Variants in SKI observed in about 807,000 individuals in gnomAD.
SKI encodes ski oncogene.
SKI carries 23 observed loss-of-function variants against 59.3 expected under a neutral mutation model. The ratio of observed to expected loss-of-function variants is 0.39; its 90% CI spans 0.28 to 0.55. The LOEUF (loss-of-function observed/expected upper bound fraction) is 0.55. Ranked by LOEUF, SKI falls within the 20% of genes least tolerant of loss-of-function variation. The probability of loss-of-function intolerance (pLI) is 0.67; values close to 1 mark genes in which losing one functional copy is unlikely to be tolerated. For synonymous variants in SKI, 673 were observed against 488.6 expected, an observed-to-expected ratio of 1.38 and a Z score of -4.98; for missense variants, 1,017 against 1,038.9, an observed-to-expected ratio of 0.98 and a Z score of 0.29.
At chr1:2,230,558 G>A (rs1177145425) in intron 1 of SKI, among the ~76,000 whole-genome samples, 1 of 152,188 alleles carries the variant, frequency 6.6e-6, no homozygotes, top group Non-Finnish European at 1.5e-5. Flanking sequence ...AACGCAGAGG[G>A]GTGCGCCGGA....
At position 2,228,759 on chromosome 1, in the gene SKI, A is replaced by C; in HGVS notation, c.-8A>C. ...GAGCGGGAGCGGCCGGGGGAGCCGG[A>C]GCGCACCATGGAGGCGGCGGCAGGC... On this transcript the variant is annotated 5_prime_UTR_variant, in exon 1 of 7. Transcript: ENST00000378536. 8.2e-7 allele frequency: 1 copy of C among 1,214,278 alleles called. No individual in the cohort carries two copies. The highest frequency in any genetic ancestry group is 1.0e-6 in the Non-Finnish European group (1 of 962,724). The allele number at this position is 1,214,278 out of a possible 1,614,324, so 75.2% of individuals were successfully genotyped here. A position where few individuals can be genotyped will look rare whatever the true frequency, so the allele number is the denominator to read the frequency against.
At chr1:2,262,159 T>C (rs1302658885) in intron 1 of SKI, among the ~76,000 whole-genome samples, 1 of 126,334 alleles carries the variant, frequency 7.9e-6, no homozygotes, top group Non-Finnish European at 1.6e-5. Flanking sequence ...GTGGTGGGAG[T>C]GGACACCCTT....
At chr1:2,277,174 C>G (rs1639760616) in intron 1 of SKI, among the ~76,000 whole-genome samples, 2 of 152,104 alleles carry the variant, frequency 1.3e-5, no homozygotes, top group Admixed American at 1.3e-4. Flanking sequence ...GGAGTCTCAC[C>G]CTGTCTCCTC....
At chr1:2,299,308 C>T (rs777919945) in intron 1 of SKI, among the ~76,000 whole-genome samples, 3 of 152,250 alleles carry the variant, frequency 2.0e-5, no homozygotes, top group Non-Finnish European at 4.4e-5. Context: ...GTCCTCCTCA[C>T]GGACTCTGGA....
intron 1 of SKI, chr1:2,240,912 C>A: frequency 3.5e-6 from 2 of 569,274 alleles, no homozygotes; most frequent in Non-Finnish European, 4.4e-6. Context: ...TCCTCCTCAG[C>A]TGTGTTCAGC....
At chr1:2,276,095 G>T (rs74857987) in intron 1 of SKI, among the ~76,000 whole-genome samples, 2 of 152,210 alleles carry the variant, frequency 1.3e-5, no homozygotes, top group Admixed American at 1.3e-4. Context: ...TGGTTGCTCC[G>T]ATAGGGAGAA....
chr1:2,276,531 G>A (rs911447623), intron 1 of SKI, among the ~76,000 whole-genome samples: 1 of 152,242 alleles, frequency 6.6e-6, no homozygotes, highest in Non-Finnish European at 1.5e-5. Flanking sequence ...GAGGCCCTGA[G>A]CCACCTCCTG....
intron 1 of SKI, among the ~76,000 whole-genome samples, chr1:2,298,900 C>T (rs571358064): frequency 7.2e-5 from 11 of 152,332 alleles, no homozygotes; most frequent in African/African-American, 2.4e-4. Flanking sequence ...TACTCACTCC[C>T]GCCTCCCCGG....
chr1:2,288,996 T>G (rs1302731322), intron 1 of SKI, among the ~76,000 whole-genome samples: 3 of 152,162 alleles, frequency 2.0e-5, no homozygotes, highest in Non-Finnish European at 4.4e-5. Flanking sequence ...TGCCGCCTGG[T>G]TTTCCCGAAT....
At chr1:2,249,084 C>T (rs1320864969) in intron 1 of SKI, among the ~76,000 whole-genome samples, 3 of 152,356 alleles carry the variant, frequency 2.0e-5, no homozygotes, top group Non-Finnish European at 2.9e-5. Context: ...GTGGCAGATG[C>T]GGTCGAGTGC....
At chr1:2,262,419 G>A (rs1460833215) in intron 1 of SKI, among the ~76,000 whole-genome samples, 52 of 114,200 alleles carry the variant, frequency 4.6e-4, no homozygotes, top group Middle Eastern at 6.5e-3. Flanking sequence ...AAGGCGTGGA[G>A]TCAGAGTTTG....
chr1:2,295,776 C>G (rs1011377825), intron 1 of SKI, among the ~76,000 whole-genome samples: 3 of 152,178 alleles, frequency 2.0e-5, no homozygotes, highest in African/African-American at 7.2e-5. Flanking sequence ...ATTTTCAAGG[C>G]TCCTTCCTTC....
At chr1:2,302,885 G>A in intron 1 of SKI, 93 bp from the exon 2 acceptor site, 1 of 1,539,904 alleles carries the variant, frequency 6.5e-7, no homozygotes, top group Non-Finnish European at 9.0e-7. Flanking sequence ...CGGAGTGCAT[G>A]GGGCTCTGAC....
intron 6 of SKI, 148 bp from the exon 7 acceptor site, chr1:2,306,429 G>A (rs1640581532): frequency 1.0e-6 from 1 of 994,744 alleles, no homozygotes; most frequent in Middle Eastern, 3.2e-4. Flanking sequence ...TGCGTCTCGT[G>A]AGCCTGTGTC....
rs1639593533 is a variant in SKI, at chr1:2,270,522, G to A, written c.970-32456G>A. Reference sequence around the variant, plus strand: ...TGTGGTTCCTGGGCTGCCATCTGGCGATTGTAAAACGGGCAGTGTGCAGTG... The same window carrying A: ...TGTGGTTCCTGGGCTGCCATCTGGCAATTGTAAAACGGGCAGTGTGCAGTG... On this transcript the variant is annotated intron_variant, in intron 1 of 6. Transcript: ENST00000378536. The surrounding 1 kb of genome is among the most constrained non-coding windows in gnomAD (Gnocchi z 4.1). Among the ~76,000 whole-genome samples, 1 of 152,232 alleles carries A rather than the reference G, an allele frequency of 6.6e-6. No homozygotes were observed. Among genetic ancestry groups the A allele is most frequent in the Non-Finnish European group, 1.5e-5 (1 of 68,028 alleles).
chr1:2,229,716 A>C lies in SKI; in HGVS notation c.950A>C (p.Tyr317Ser), dbSNP rs1412467989. Residue 317 changes from tyrosine to serine, a missense_variant, in exon 1 of 7, where the codon TAC becomes TCC. Coordinates refer to ENST00000378536, the MANE Select transcript of SKI (RefSeq NM_003036.4). The surrounding 1 kb of genome is among the most constrained non-coding windows in gnomAD (Gnocchi z 6.3). ...GAGAAATTCGACTATGGCAACAAGT[A>C]CAAGCGGCGGGTGCCCCGGGTGAGT... ...VKEKFDYGNKYKRRVPRVSSE... is the reference protein window; with the variant it reads ...VKEKFDYGNKSKRRVPRVSSE... The C allele has an allele frequency of 6.4e-7, 1 of 1,573,064 alleles. No individual in the cohort carries two copies.
intron 1 of SKI, among the ~76,000 whole-genome samples, chr1:2,263,800 G>A (rs1473689777): frequency 6.7e-6 from 1 of 150,046 alleles, no homozygotes; most frequent in Non-Finnish European, 1.5e-5. Flanking sequence ...CAATATGGTG[G>A]TGAGATGGTT....
chr1:2,234,165 T>C (rs1240179787), intron 1 of SKI, among the ~76,000 whole-genome samples: 1 of 152,156 alleles, frequency 6.6e-6, no homozygotes, highest in East Asian at 1.9e-4. Flanking sequence ...CTGCTGAGTC[T>C]TCTCAAGCAG....
Position 2,228,368 on chromosome 1 carries a change from C to T in SKI, c.-399C>T, listed in dbSNP as rs1638548530. On this transcript the variant is annotated 5_prime_UTR_variant, in exon 1 of 7. Transcript: ENST00000378536. ...GGCCGCCGCGGCGATTCGCGCCTCG[C>T]GGCGCCGGCACCTGCCCGCGCGCCC... 7.0e-6 allele frequency among the ~76,000 whole-genome samples: 1 copy of T among 142,538 alleles called. No individual in the cohort carries two copies. The highest frequency in any genetic ancestry group is 6.9e-5 in the Admixed American group (1 of 14,516). 93.5% of individuals were successfully genotyped at this position (142,538 alleles called of 152,430 possible). A position where few individuals can be genotyped will look rare whatever the true frequency, so the allele number is the denominator to read the frequency against.
Sources: gnomAD v4.1 joint callset for allele counts (sites outside exome capture counted in the v4.1 genomes callset) on GRCh38, gnomAD v4.1.1 for gene constraint, Gnocchi (gnomAD v3.1) non-coding constraint, MANE v1.5 for transcripts, NCBI Gene and HGNC (gene_info 2026-07-23, HGNC 2026-07-21) for gene names.